SMOC1: variants seen among roughly 807,000 people sequenced by gnomAD.
SMOC1 encodes the protein SPARC-related modular calcium-binding protein 1.
SMOC1 carries 22 observed loss-of-function variants against 56.3 expected under a neutral mutation model. The ratio of observed to expected loss-of-function variants is 0.39; its 90% CI spans 0.28 to 0.56. SMOC1 has a LOEUF of 0.56. SMOC1 is among the 20% of genes least tolerant of loss of function. The probability of loss-of-function intolerance (pLI) is 0.61; values close to 1 mark genes in which losing one functional copy is unlikely to be tolerated. For synonymous variants in SMOC1, 193 were observed against 215.0 expected, an observed-to-expected ratio of 0.90 and a Z score of 0.89; for missense variants, 509 against 565.4, an observed-to-expected ratio of 0.90 and a Z score of 1.01.
intron 3 of SMOC1, among the ~76,000 whole-genome samples, chr14:69,959,568 T>C (rs1486080472): frequency 1.3e-5 from 2 of 152,202 alleles, no homozygotes; most frequent in African/African-American, 4.8e-5. Flanking sequence ...TTGATATAGT[T>C]GTATGGGCAC....
chr14:69,926,815 T>C (rs1885024858), intron 1 of SMOC1, among the ~76,000 whole-genome samples: 1 of 152,198 alleles, frequency 6.6e-6, no homozygotes, highest in Non-Finnish European at 1.5e-5. Context: ...TCAGCAGACC[T>C]CATTGAAAGC....
intron 1 of SMOC1, among the ~76,000 whole-genome samples, chr14:69,926,541 T>C (rs1012528989): frequency 6.6e-6 from 1 of 152,228 alleles, no homozygotes; most frequent in African/African-American, 2.4e-5. Context: ...CGCTTCTCTC[T>C]TGTGGCCTCA....
chr14:70,008,287 A>G (rs1057132382), intron 7 of SMOC1, among the ~76,000 whole-genome samples: 1 of 152,016 alleles, frequency 6.6e-6, no homozygotes. Flanking sequence ...GTGCTATCAC[A>G]CTGGCTACTT....
intron 8 of SMOC1, 70 bp from the exon 9 acceptor site, chr14:70,011,415 G>A (rs963733106): frequency 3.4e-5 from 48 of 1,396,240 alleles, no homozygotes; most frequent in Non-Finnish European, 3.1e-6. Flanking sequence ...GATCATTGCT[G>A]GGCAGTAGTG....
At chr14:69,964,166 TC>T (rs1883483395) in intron 3 of SMOC1, among the ~76,000 whole-genome samples, 1 of 152,178 alleles carries the variant, frequency 6.6e-6, no homozygotes, top group South Asian at 2.1e-4. Context: ...GCATCCGAGC[TC>T]CCTGTAGCCC....
chr14:69,880,987 A>G (rs910981439), intron 1 of SMOC1, among the ~76,000 whole-genome samples: 7 of 152,210 alleles, frequency 4.6e-5, no homozygotes, highest in African/African-American at 1.4e-4. Flanking sequence ...CTGTGAGATC[A>G]GATTTGCAGC....
Position 69,988,717 on chromosome 14 carries a change from G to T in SMOC1, c.527-3700G>T, listed in dbSNP as rs141277928. 7.9e-5 allele frequency among the ~76,000 whole-genome samples: 12 copies of T among 152,236 alleles called. No individual in the cohort carries two copies. In the East Asian group the frequency reaches 2.3e-3, roughly 29 times the overall value. On this transcript the variant is annotated intron_variant, in intron 5 of 11. Coordinates refer to ENST00000361956, the MANE Select transcript of SMOC1 (RefSeq NM_001034852.3). ...TCACAGGTATTTTCTACTCCTACCT[G>T]TAGCTCTAGGCACCCCCAGATCTGT... is the stretch of plus-strand genomic sequence containing the variant.
chr14:69,910,216 T>G (rs571406919), intron 1 of SMOC1, among the ~76,000 whole-genome samples: 1 of 152,362 alleles, frequency 6.6e-6, no homozygotes, highest in Non-Finnish European at 1.5e-5. Flanking sequence ...AAGGAACCGA[T>G]TTTCATTCCC....
In SMOC1 at chr14:70,023,926, C is replaced by T. The variant is rs184905658; in HGVS notation, c.1291+479C>T. On this transcript the variant is annotated intron_variant, in intron 11 of 11. Coordinates refer to ENST00000361956, the MANE Select transcript of SMOC1 (RefSeq NM_001034852.3). ...GGATCCAGGCTGAGAGTGACTCTGCCATCTTCATCATGTGGCTTCCAAGGT... is the reference window on the plus strand; with the variant it reads ...GGATCCAGGCTGAGAGTGACTCTGCTATCTTCATCATGTGGCTTCCAAGGT... 7.2e-5 allele frequency among the ~76,000 whole-genome samples: 11 copies of T among 151,948 alleles called. No individual in the cohort carries two copies. The East Asian group carries it at 2.1e-3, about 29-fold the overall frequency.
At chr14:69,939,865 G>A (rs1882482651) in intron 1 of SMOC1, among the ~76,000 whole-genome samples, 1 of 152,166 alleles carries the variant, frequency 6.6e-6, no homozygotes, top group Non-Finnish European at 1.5e-5. Context: ...TGCTGGCTGT[G>A]CCCATGGTGA....
chr14:70,023,542 C>T, intron 11 of SMOC1, 95 bp downstream of exon 11: 1 of 1,530,786 alleles, frequency 6.5e-7, no homozygotes, highest in African/African-American at 1.4e-5. Flanking sequence ...TCCAGATACT[C>T]ATCTATTCAT....
chr14:70,030,635 C>G lies in SMOC1; in HGVS notation c.*377C>G, dbSNP rs1886116941. ...ATGTAAATTGTATAGTTCTTTTGTA[C>G]AGGCATTGGCATTGCTGTTTGTTTA... On this transcript the variant is annotated 3_prime_UTR_variant, in exon 12 of 12. Coordinates refer to ENST00000361956, the MANE Select transcript of SMOC1 (RefSeq NM_001034852.3). 1 of 211,932 alleles carries G rather than the reference C, an allele frequency of 4.7e-6. No homozygotes were observed. Among genetic ancestry groups the G allele is most frequent in the Non-Finnish European group, 9.3e-6 (1 of 107,216 alleles). The allele number at this position is 211,932 out of a possible 1,614,324, so 13.1% of individuals were successfully genotyped here. A position where few individuals can be genotyped will look rare whatever the true frequency, so the allele number is the denominator to read the frequency against.
At chr14:69,904,095 C>G (rs1167717741) in intron 1 of SMOC1, among the ~76,000 whole-genome samples, 1 of 152,086 alleles carries the variant, frequency 6.6e-6, no homozygotes, top group African/African-American at 2.4e-5. Context: ...CCCCATCAGC[C>G]CACAGAATCA....
chr14:69,879,844 GAGGGAA>G, intron 1 of SMOC1, 67 bp downstream of exon 1: 5 of 1,354,768 alleles, frequency 3.7e-6, no homozygotes, highest in Non-Finnish European at 4.0e-6. Flanking sequence ...CCTCATCCCT[GAGGGAA>G]GGAGGAGGGG....
intron 5 of SMOC1, among the ~76,000 whole-genome samples, chr14:69,987,056 A>G (rs1884392421): frequency 6.6e-6 from 1 of 152,150 alleles, no homozygotes; most frequent in South Asian, 2.1e-4. Flanking sequence ...GCAAACAGAC[A>G]CTGTTGTCTC....
At chr14:69,961,272 G>GTA (rs35703501) in intron 3 of SMOC1, among the ~76,000 whole-genome samples, 1,779 of 74,344 alleles carry the variant, frequency 0.024, 79 homozygotes, top group Middle Eastern at 0.029. Context: ...ATTCTATTGT[G>GTA]TATATATATA....
At chr14:69,919,351 T>C (rs1415926707) in intron 1 of SMOC1, among the ~76,000 whole-genome samples, 1 of 152,206 alleles carries the variant, frequency 6.6e-6, no homozygotes, top group African/African-American at 2.4e-5. Context: ...TTTCCAGCCC[T>C]GTGTCTTGTT....
At chr14:69,961,209 C>G (rs1177543895) in intron 3 of SMOC1, among the ~76,000 whole-genome samples, 1 of 146,576 alleles carries the variant, frequency 6.8e-6, no homozygotes. Flanking sequence ...TTTCAAGGCT[C>G]AGCCTTGTTG....
At chr14:69,919,921 C>T (rs1020499602) in intron 1 of SMOC1, among the ~76,000 whole-genome samples, 15 of 148,690 alleles carry the variant, frequency 1.0e-4, no homozygotes, top group African/African-American at 2.0e-4. Context: ...CCCCCCCCCC[C>T]CTTTCTCCCC....
Sources: gnomAD v4.1 joint callset for allele counts (sites outside exome capture counted in the v4.1 genomes callset) on GRCh38, gnomAD v4.1.1 for gene constraint, MANE v1.5 for transcripts, NCBI Gene and HGNC (gene_info 2026-07-23, HGNC 2026-07-21) for gene names.